Variants in ENAH observed in about 807,000 individuals in gnomAD.
ENAH encodes protein enabled homolog.
Under a neutral mutation model 78.7 loss-of-function variants are expected in ENAH, and 23 were observed. That is an observed-to-expected ratio of 0.29 (90% CI 0.21 to 0.41). ENAH has a LOEUF of 0.41. Among genes scored for constraint, ENAH ranks in the 10% least tolerant of loss-of-function variants. The probability of loss-of-function intolerance (pLI) is 1.00; values close to 1 mark genes in which losing one functional copy is unlikely to be tolerated. For synonymous variants in ENAH, 226 were observed against 241.0 expected (o/e 0.94, Z 0.58); for missense variants, 544 against 691.0 (o/e 0.79, Z 2.39).
intron 1 of ENAH, among the ~76,000 whole-genome samples, chr1:225,579,614 A>G (rs929124918): frequency 6.6e-6 from 1 of 152,228 alleles, no homozygotes; most frequent in African/African-American, 2.4e-5. Context: ...ACATGCACAC[A>G]GAAACATGAA....
At chr1:225,498,823 G>GTC (rs758382795) in intron 12 of ENAH, among the ~76,000 whole-genome samples, 140 of 152,304 alleles carry the variant, frequency 9.2e-4, no homozygotes, top group Admixed American at 3.3e-3. Context: ...CCTTTTGTCT[G>GTC]AAGTATGTAT....
intron 3 of ENAH, among the ~76,000 whole-genome samples, chr1:225,544,883 GAGAC>G (rs2096606096): frequency 6.6e-6 from 1 of 152,158 alleles, no homozygotes; most frequent in African/African-American, 2.4e-5. Context: ...TGTACTGACT[GAGAC>G]AGAGCTAGAA....
chr1:225,583,336 T>C (rs2147779558), intron 1 of ENAH, among the ~76,000 whole-genome samples: 1 of 147,498 alleles, frequency 6.8e-6, no homozygotes, highest in African/African-American at 2.5e-5. Context: ...CTCAGGAGGC[T>C]GAGGTGGGAG....
chr1:225,599,519 T>C (rs899536968), intron 1 of ENAH, among the ~76,000 whole-genome samples: 3 of 152,056 alleles, frequency 2.0e-5, no homozygotes, highest in Non-Finnish European at 4.4e-5. Context: ...TAAAATGTGA[T>C]TGCTGGCTGG....
intron 1 of ENAH, among the ~76,000 whole-genome samples, chr1:225,636,921 A>G (rs757054555): frequency 6.1e-4 from 93 of 152,336 alleles, no homozygotes; most frequent in Middle Eastern, 6.8e-3. Flanking sequence ...TGGAACAATC[A>G]CTAAAGACAA....
intron 3 of ENAH, among the ~76,000 whole-genome samples, chr1:225,538,226 C>T (rs986746291): frequency 1.1e-4 from 17 of 151,964 alleles, no homozygotes; most frequent in Non-Finnish European, 2.1e-4. Flanking sequence ...CTACGCAATA[C>T]ATTTTTGAGA....
intron 1 of ENAH, among the ~76,000 whole-genome samples, chr1:225,594,938 A>G (rs545947534): frequency 6.6e-6 from 1 of 152,378 alleles, no homozygotes; most frequent in Non-Finnish European, 1.5e-5. Context: ...ATAGGTATAC[A>G]GAAAACACAG....
chr1:225,602,117 AAGAAG>A (rs1362502013), intron 1 of ENAH, among the ~76,000 whole-genome samples: 26 of 152,240 alleles, frequency 1.7e-4, no homozygotes, highest in Admixed American at 1.4e-3. Context: ...GAAGATCCAA[AAGAAG>A]AGAAATGACA....
intron 3 of ENAH, among the ~76,000 whole-genome samples, chr1:225,546,025 G>C (rs189544043): frequency 5.3e-5 from 8 of 149,564 alleles, no homozygotes; most frequent in Admixed American, 3.4e-4. Context: ...CCAGGCTCAA[G>C]TGATCCTCCT....
Position 225,514,774 on chromosome 1 carries a change from G to C in ENAH, c.1040C>G (p.Pro347Arg). 7.0e-7 allele frequency: 1 copy of C among 1,419,096 alleles called. No homozygotes were observed. The highest frequency in any genetic ancestry group is 1.6e-5 in the African/African-American group (1 of 63,374). 87.9% of individuals were successfully genotyped at this position (1,419,096 alleles called of 1,614,324 possible). A position where few individuals can be genotyped will look rare whatever the true frequency, so the allele number is the denominator to read the frequency against. ...PPPPPLPSTG[P>R]PPPPPPPPLP... Reference sequence around the variant, plus strand: ...AGGAGGGGGAGGAGGGGGCGGTGGAGGCCCGGTGGATGGGAGTGGAGGAGG... The same window carrying C: ...AGGAGGGGGAGGAGGGGGCGGTGGACGCCCGGTGGATGGGAGTGGAGGAGG... Residue 347 changes from proline (P) to arginine (R), a missense_variant, in exon 7 of 14, where the codon CCT becomes CGT. Physicochemically the swap from Pro to Arg is moderately radical, Grantham distance 103. This residue lies in a region of ENAH where 366 missense variants were observed against 396.1 expected (regional missense o/e 0.92). Coordinates refer to ENST00000366843, the MANE Select transcript of ENAH (RefSeq NM_018212.6).
intron 2 of ENAH, among the ~76,000 whole-genome samples, chr1:225,563,929 G>A (rs568208180): frequency 6.6e-6 from 1 of 152,260 alleles, no homozygotes; most frequent in South Asian, 2.1e-4. Flanking sequence ...TTTCATGATT[G>A]TAGGTCTATC....
chr1:225,519,720 G>C (rs572312947), intron 4 of ENAH, among the ~76,000 whole-genome samples, 155 bp from the exon 5 acceptor site: 23 of 152,294 alleles, frequency 1.5e-4, no homozygotes, highest in Admixed American at 1.5e-3. Flanking sequence ...ACCTTGGATA[G>C]AGACTGTTTC....
rs759850828 is a variant in ENAH at position 225,555,029 on chromosome 1, T to A, written c.226A>T (p.Thr76Ser). 1 of 1,603,494 alleles carries A rather than the reference T, an allele frequency of 6.2e-7. No homozygotes were observed. Among genetic ancestry groups the A allele is most frequent in the East Asian group, 2.2e-5 (1 of 44,692 alleles). The change falls in exon 3 of 14, where the codon ACC becomes TCC. Residue 76 changes from threonine (T) to serine (S), a missense_variant. Thr to Ser is a moderately conservative substitution (Grantham distance 58). This residue lies in a region of ENAH where 77 missense variants were observed against 151.8 expected (regional missense o/e 0.51). Coordinates refer to ENST00000366843, the MANE Select transcript of ENAH (RefSeq NM_018212.6). ...CTAGCATCTCGCCACTGGTGGAAGGTCTGTGTAGCTTGATTGTACTTCAAC... is the reference window on the plus strand; with the variant it reads ...CTAGCATCTCGCCACTGGTGGAAGGACTGTGTAGCTTGATTGTACTTCAAC... ...KGLKYNQATQ[T>S]FHQWRDARQV...
chr1:225,562,776 A>G (rs984832793), intron 2 of ENAH, among the ~76,000 whole-genome samples: 9 of 151,928 alleles, frequency 5.9e-5, no homozygotes, highest in Non-Finnish European at 1.3e-4. Flanking sequence ...TTATAACAAC[A>G]TGTGCCCACT....
intron 2 of ENAH, among the ~76,000 whole-genome samples, chr1:225,564,240 G>C (rs371454392): frequency 2.6e-5 from 4 of 151,678 alleles, no homozygotes; most frequent in Non-Finnish European, 4.4e-5. Flanking sequence ...TCAGCCTCTC[G>C]AGTAGCTGGG....
chr1:225,493,780 T>C lies in ENAH; in HGVS notation c.*3995A>G, dbSNP rs537125941. On this transcript the variant is annotated 3_prime_UTR_variant, in exon 14 of 14. Transcript: ENST00000366843. ...ATCGGTAGAATTTAAAGGGTAATGG[T>C]GTTATAAAATTATAATGGCCACACA... 6.6e-6 allele frequency: 1 copy of C among 152,208 alleles called. No homozygotes were observed. The highest frequency in any genetic ancestry group is 1.9e-4 in the East Asian group (1 of 5,180). The allele number at this position is 152,208 out of a possible 1,614,324, so 9.4% of individuals were successfully genotyped here.
chr1:225,552,654 C>G (rs958713869), intron 3 of ENAH, among the ~76,000 whole-genome samples: 2 of 152,110 alleles, frequency 1.3e-5, no homozygotes, highest in African/African-American at 4.8e-5. Flanking sequence ...ATCCACAATA[C>G]CAGGAGGCAG....
In ENAH at chr1:225,486,923, A is replaced by T. The variant is rs927052006; in HGVS notation, c.*10852T>A. The T allele has an allele frequency of 4.6e-5, 7 of 152,704 alleles. No homozygotes were observed. The highest frequency in any genetic ancestry group is 4.6e-4 in the Admixed American group (7 of 15,288). The allele number at this position is 152,704 out of a possible 1,614,324, so 9.5% of individuals were successfully genotyped here. On this transcript the variant is annotated 3_prime_UTR_variant, in exon 14 of 14. Coordinates refer to ENST00000366843, the MANE Select transcript of ENAH (RefSeq NM_018212.6). ...GTTAAAACCAGCAAAGCTGCAAAGT[A>T]GGAAAGAAAGCTGAGGGAGAGATTG...
At chr1:225,579,613 C>T (rs975129832) in intron 1 of ENAH, among the ~76,000 whole-genome samples, 1 of 152,138 alleles carries the variant, frequency 6.6e-6, no homozygotes, top group African/African-American at 2.4e-5. Context: ...GACATGCACA[C>T]AGAAACATGA....
Sources: allele counts gnomAD v4.1 joint callset (sites outside exome capture counted in the v4.1 genomes callset), GRCh38; gene constraint gnomAD v4.1.1; regional missense constraint gnomAD v4.1.1; transcripts MANE v1.5; gene names NCBI Gene and HGNC (gene_info 2026-07-23, HGNC 2026-07-21).